CYP2J2: variants seen among roughly 807,000 people sequenced by gnomAD.
CYP2J2 encodes the protein cytochrome P450 family 2 subfamily J member 2, also known as cytochrome P450 2J2.
Under a neutral mutation model 48.8 loss-of-function variants are expected in CYP2J2, and 41 were observed. That is an observed-to-expected ratio of 0.84 (90% CI 0.66 to 1.09). The LOEUF (loss-of-function observed/expected upper bound fraction) is 1.09, where lower values mean the gene tolerates loss of function less well. Among genes scored for constraint, CYP2J2 ranks in the 50% least tolerant of loss-of-function variants. CYP2J2 has a pLI of 0.00. For synonymous variants in CYP2J2, 221 were observed against 227.1 expected (o/e 0.97, Z 0.24); for missense variants, 644 against 617.3 (o/e 1.04, Z -0.46).
chr1:59,949,190 C>A, the CYP2J2 span, among the ~76,000 whole-genome samples: 1 of 152,190 alleles, frequency 6.6e-6, no homozygotes, highest in African/African-American at 2.4e-5. Flanking sequence ...TATTGCACAA[C>A]TTATGGGTCC....
At chr1:59,899,129 T>C (rs1156253766) in intron 8 of CYP2J2, among the ~76,000 whole-genome samples, 2 of 152,190 alleles carry the variant, frequency 1.3e-5, no homozygotes, top group African/African-American at 4.8e-5. Flanking sequence ...GCATTTTTTG[T>C]GGAATGCAGA....
chr1:59,968,699 G>A, the CYP2J2 span, among the ~76,000 whole-genome samples: 2 of 152,210 alleles, frequency 1.3e-5, no homozygotes, highest in Non-Finnish European at 2.9e-5. Context: ...TAAAAGGCCC[G>A]AGGGGGGACC....
At chr1:59,929,792 T>C (rs953095151), upstream of CYP2J2, among the ~76,000 whole-genome samples, 2 of 152,000 alleles carry the variant, frequency 1.3e-5, no homozygotes, top group Admixed American at 6.6e-5. Flanking sequence ...CACCAGCATA[T>C]ATGTAATCAG....
chr1:59,945,161 A>T, the CYP2J2 span, among the ~76,000 whole-genome samples: 2 of 152,178 alleles, frequency 1.3e-5, no homozygotes, highest in South Asian at 4.1e-4. Flanking sequence ...AAAAATGGTT[A>T]AGAACAGCAT....
Position 59,904,991 on chromosome 1 carries a change from C to A in CYP2J2, c.1071G>T (p.Glu357Asp). ...TGACAGCATTGGTGTAGGGCATGGA[C>A]TCCCGGGCGGCTGTGCTCGGCTGCT... ...QGQQPSTAARESMPYTNAVIH... is the reference protein window; with the variant it reads ...QGQQPSTAARDSMPYTNAVIH... The change falls in exon 7 of 9, where the codon GAG becomes GAT. Residue 357 changes from glutamate (E) to aspartate (D), a missense_variant. Coordinates refer to ENST00000371204, the MANE Select transcript of CYP2J2 (RefSeq NM_000775.4). The A allele has an allele frequency of 6.2e-7, 1 of 1,614,022 alleles. No homozygotes were observed. The highest frequency in any genetic ancestry group is 8.5e-7 in the Non-Finnish European group (1 of 1,179,980).
chr1:59,935,804 G>A, the CYP2J2 span, among the ~76,000 whole-genome samples: 222 of 152,194 alleles, frequency 1.5e-3, 1 homozygote, highest in African/African-American at 4.9e-3. Flanking sequence ...ATGGAGTTTT[G>A]CTCTTGTCAC....
In CYP2J2 at chr1:59,909,821, CTT is replaced by C; in HGVS notation, c.822_823del (p.Asp276LeufsTer3). On this transcript the variant is annotated frameshift_variant, in exon 5 of 9. Transcript: ENST00000371204. LOFTEE classifies it high-confidence loss of function. ...TTTAAGGTAAGCATCAATAAAGTCT[CTT>C]GTTTCTGCAGGATTCCAATCCTTTC... The C allele has an allele frequency of 6.3e-7, 1 of 1,598,948 alleles. No individual in the cohort carries two copies. The highest frequency in any genetic ancestry group is 8.5e-7 in the Non-Finnish European group (1 of 1,176,048).
At chr1:59,902,807 A>G (rs1474120577) in intron 7 of CYP2J2, among the ~76,000 whole-genome samples, 1 of 152,186 alleles carries the variant, frequency 6.6e-6, no homozygotes. Flanking sequence ...GATCTTGTTA[A>G]GTAGGTTTAA....
chr1:59,944,760 A>G, the CYP2J2 span, among the ~76,000 whole-genome samples: 1 of 152,062 alleles, frequency 6.6e-6, no homozygotes, highest in Non-Finnish European at 1.5e-5. Flanking sequence ...ATTATTTTTA[A>G]TTACATTATT....
the CYP2J2 span, among the ~76,000 whole-genome samples, chr1:59,932,465 A>C: frequency 6.6e-5 from 10 of 152,166 alleles, no homozygotes; most frequent in African/African-American, 2.4e-4. Flanking sequence ...AATATTTGTC[A>C]ACATGCTTTT....
At chr1:59,913,517 T>C (rs987521877) in intron 2 of CYP2J2, among the ~76,000 whole-genome samples, 2 of 152,160 alleles carry the variant, frequency 1.3e-5, no homozygotes, top group African/African-American at 4.8e-5. Flanking sequence ...CTAAACCAAA[T>C]ACCTTATACT....
chr1:59,917,056 T>C (rs1434976756), intron 1 of CYP2J2, among the ~76,000 whole-genome samples: 1 of 152,130 alleles, frequency 6.6e-6, no homozygotes, highest in Non-Finnish European at 1.5e-5. Context: ...TATGTGACAA[T>C]CTGGGCTGTA....
chr1:59,896,197 C>T (rs1421296860), intron 8 of CYP2J2, among the ~76,000 whole-genome samples: 1 of 151,980 alleles, frequency 6.6e-6, no homozygotes, highest in African/African-American at 2.4e-5. Context: ...GCTCATTGCT[C>T]TCCAGATGTT....
upstream of CYP2J2, among the ~76,000 whole-genome samples, chr1:59,928,527 A>G (rs1644587454): frequency 6.6e-6 from 1 of 152,166 alleles, no homozygotes; most frequent in African/African-American, 2.4e-5. Flanking sequence ...AATGAAGGCT[A>G]CAGTATCTCC....
chr1:59,945,571 C>A, the CYP2J2 span, among the ~76,000 whole-genome samples: 1 of 152,136 alleles, frequency 6.6e-6, no homozygotes, highest in Non-Finnish European at 1.5e-5. Context: ...ATTATAGAAG[C>A]ATAATTATTA....
chr1:59,936,964 T>C, the CYP2J2 span, among the ~76,000 whole-genome samples: 1 of 152,192 alleles, frequency 6.6e-6, no homozygotes, highest in African/African-American at 2.4e-5. Context: ...GCAATGAGAG[T>C]ACTGAATATT....
chr1:59,902,743 A>T (rs947942308), intron 7 of CYP2J2, among the ~76,000 whole-genome samples: 4 of 152,138 alleles, frequency 2.6e-5, no homozygotes, highest in African/African-American at 9.7e-5. Context: ...CACTTTCTGT[A>T]CTAAGTACTG....
At chr1:59,958,402 T>A in the CYP2J2 span, among the ~76,000 whole-genome samples, 5 of 152,172 alleles carry the variant, frequency 3.3e-5, no homozygotes, top group Admixed American at 3.3e-4. Flanking sequence ...TAACTGAAAC[T>A]AGGTTCTCCT....
upstream of CYP2J2, among the ~76,000 whole-genome samples, chr1:59,928,876 C>T (rs935121579): frequency 1.3e-5 from 2 of 152,206 alleles, no homozygotes; most frequent in East Asian, 3.8e-4. Context: ...TTACCAAAGT[C>T]GGTCAGCACA....
Sources: gnomAD v4.1 joint callset for allele counts (sites outside exome capture counted in the v4.1 genomes callset) on GRCh38, gnomAD v4.1.1 for gene constraint, MANE v1.5 for transcripts, NCBI Gene and HGNC (gene_info 2026-07-23, HGNC 2026-07-21) for gene names.